RBFOX1: variants seen among roughly 807,000 people sequenced by gnomAD.
RBFOX1 encodes the protein RNA binding fox-1 homolog 1.
RBFOX1 carries 8 observed loss-of-function variants against 57.7 expected under a neutral mutation model. The ratio of observed to expected loss-of-function variants is 0.14; its 90% CI spans 0.08 to 0.25. The LOEUF (loss-of-function observed/expected upper bound fraction) is 0.25, where lower values mean the gene tolerates loss of function less well. RBFOX1 is among the 10% of genes least tolerant of loss of function. RBFOX1 has a pLI of 1.00. For missense variants in RBFOX1, 611 were observed against 548.5 expected (o/e 1.11, Z -1.14); for synonymous variants, 326 against 222.4 (o/e 1.47, Z -4.15).
chr16:7,427,630 AT>A (rs539475835), intron 4 of RBFOX1, among the ~76,000 whole-genome samples: 24 of 147,822 alleles, frequency 1.6e-4, no homozygotes, highest in East Asian at 4.0e-4. Flanking sequence ...TCTTCTTTTT[AT>A]TTTTTTTTAT....
At chr16:5,575,281 A>G (rs1345885666) in intron 2 of RBFOX1, among the ~76,000 whole-genome samples, 1 of 152,164 alleles carries the variant, frequency 6.6e-6, no homozygotes, top group South Asian at 2.1e-4. Flanking sequence ...ACCATTGATC[A>G]TTATCGTCGT....
chr16:6,809,153 T>C (rs990995856), intron 3 of RBFOX1, among the ~76,000 whole-genome samples: 6 of 152,232 alleles, frequency 3.9e-5, no homozygotes, highest in Non-Finnish European at 8.8e-5. Context: ...ACCTCACTGC[T>C]GATTTCTGTA....
chr16:6,056,842 C>CTTTTTTTTT (rs61605263), intron 1 of RBFOX1: 11 of 148,628 alleles, frequency 7.4e-5, no homozygotes, highest in Non-Finnish European at 5.9e-5. Flanking sequence ...AGACTTAAGA[C>CTTTTTTTTT]TTTTTTTTTT....
intron 4 of RBFOX1, among the ~76,000 whole-genome samples, chr16:7,194,929 C>CAAA (rs59919051): frequency 0.083 from 11,169 of 133,938 alleles, 869 homozygotes; most frequent in African/African-American, 0.2. Context: ...CCCTGTTTCA[C>CAAA]AAAAAAAAAA....
chr16:6,358,873 G>A (rs1023770314), intron 2 of RBFOX1, among the ~76,000 whole-genome samples: 15 of 152,258 alleles, frequency 9.9e-5, no homozygotes, highest in Middle Eastern at 3.4e-3. Context: ...GCTGTTTGAC[G>A]AAGATTTATT....
chr16:6,683,775 G>T (rs1165960005), intron 3 of RBFOX1, among the ~76,000 whole-genome samples: 1 of 152,126 alleles, frequency 6.6e-6, no homozygotes, highest in Non-Finnish European at 1.5e-5. Flanking sequence ...TTTGCGGTCA[G>T]ACATACCTGG....
intron 4 of RBFOX1, among the ~76,000 whole-genome samples, chr16:5,893,514 C>T (rs8043987): frequency 6.6e-6 from 1 of 152,170 alleles, no homozygotes; most frequent in Non-Finnish European, 1.5e-5. Context: ...CTGTGTCCAT[C>T]TGTTTTATCT....
At chr16:7,427,087 G>A (rs2098626586) in intron 4 of RBFOX1, among the ~76,000 whole-genome samples, 1 of 152,132 alleles carries the variant, frequency 6.6e-6, no homozygotes, top group African/African-American at 2.4e-5. Context: ...ACACAAGGTG[G>A]GGAACATCGT....
At chr16:6,295,347 A>G (rs188088642) in intron 1 of RBFOX1, among the ~76,000 whole-genome samples, 36,248 of 151,870 alleles carry the variant, frequency 0.24, 4,412 homozygotes, top group South Asian at 0.25. Context: ...GATGGTCTCG[A>G]TCCCTTGACC....
At chr16:6,141,940 T>C (rs1037007012) in intron 1 of RBFOX1, among the ~76,000 whole-genome samples, 9 of 151,680 alleles carry the variant, frequency 5.9e-5, no homozygotes, top group Non-Finnish European at 1.5e-5. Flanking sequence ...ATGCCTGTAG[T>C]CCCAGCTGCT....
At chr16:5,371,984 A>G (rs1347103622) in intron 1 of RBFOX1, among the ~76,000 whole-genome samples, 1 of 152,190 alleles carries the variant, frequency 6.6e-6, no homozygotes, top group Admixed American at 6.5e-5. Flanking sequence ...TGAAGTGGCA[A>G]AGAGAGCTGT....
At chr16:7,663,033 G>A (rs2068168638) in intron 12 of RBFOX1, among the ~76,000 whole-genome samples, 2 of 152,220 alleles carry the variant, frequency 1.3e-5, no homozygotes, top group Admixed American at 6.5e-5. Context: ...ACAAGGCATT[G>A]CACGTGCAAG....
intron 3 of RBFOX1, among the ~76,000 whole-genome samples, chr16:6,814,755 G>C (rs1393259863): frequency 6.6e-6 from 1 of 152,116 alleles, no homozygotes; most frequent in African/African-American, 2.4e-5. Context: ...CCCTGGGGGA[G>C]AGGTGGGGCT....
chr16:6,672,804 C>G (rs542075928), intron 3 of RBFOX1, among the ~76,000 whole-genome samples: 1 of 152,188 alleles, frequency 6.6e-6, no homozygotes, highest in Non-Finnish European at 1.5e-5. Flanking sequence ...GATCGTTTCT[C>G]TTCCCAAGTA....
At chr16:5,396,095 T>C (rs1039786187) in intron 1 of RBFOX1, among the ~76,000 whole-genome samples, 1 of 152,204 alleles carries the variant, frequency 6.6e-6, no homozygotes, top group Non-Finnish European at 1.5e-5. Flanking sequence ...CAAATGTGTG[T>C]TGTTTTAAGC....
intron 3 of RBFOX1, among the ~76,000 whole-genome samples, chr16:5,855,506 C>A (rs2057001904): frequency 6.6e-6 from 1 of 152,164 alleles, no homozygotes; most frequent in Admixed American, 6.5e-5. Context: ...GTGTTCTTGG[C>A]ATTCTTGCTG....
chr16:6,360,968 A>AT (rs2088383411), intron 2 of RBFOX1, among the ~76,000 whole-genome samples: 2 of 151,230 alleles, frequency 1.3e-5, no homozygotes, highest in African/African-American at 4.9e-5. Flanking sequence ...ATTTTATTTT[A>AT]TTTTATTTAT....
chr16:7,472,141 C>A (rs1174922145), intron 4 of RBFOX1, among the ~76,000 whole-genome samples: 2 of 152,152 alleles, frequency 1.3e-5, no homozygotes, highest in African/African-American at 2.4e-5. Flanking sequence ...TTTATAATTT[C>A]TTCTTTTTAT....
intron 2 of RBFOX1, among the ~76,000 whole-genome samples, chr16:6,499,593 T>G (rs906980590): frequency 2.0e-5 from 3 of 152,156 alleles, no homozygotes; most frequent in African/African-American, 7.2e-5. Context: ...TGTAATCTTC[T>G]GCAGTGGGAA....
Sources: allele counts gnomAD v4.1 joint callset (sites outside exome capture counted in the v4.1 genomes callset), GRCh38; gene constraint gnomAD v4.1.1; transcripts MANE v1.5; gene names NCBI Gene and HGNC (gene_info 2026-07-23, HGNC 2026-07-21).